The following DNAJB6 variants were observed in gnomAD, a reference collection of about 807,000 sequenced individuals.
DNAJB6 encodes the protein DnaJ heat shock protein family (Hsp40) member B6.
In DNAJB6, 16 loss-of-function variants were observed where a neutral mutation model predicts 42.7. That is an observed-to-expected ratio of 0.37 (90% CI 0.25 to 0.57). The LOEUF (loss-of-function observed/expected upper bound fraction) is 0.57. DNAJB6 is among the 20% of genes least tolerant of loss of function. The probability of loss-of-function intolerance (pLI) is 0.74; values close to 1 mark genes in which losing one functional copy is unlikely to be tolerated. For synonymous variants in DNAJB6, 170 were observed against 163.5 expected, an observed-to-expected ratio of 1.04 and a Z score of -0.30; for missense variants, 347 against 416.8, an observed-to-expected ratio of 0.83 and a Z score of 1.46.
intron 1 of DNAJB6, among the ~76,000 whole-genome samples, chr7:157,350,678 A>C (rs144633954): frequency 6.8e-6 from 1 of 147,994 alleles, no homozygotes; most frequent in African/African-American, 2.4e-5. Context: ...GTACTTGGAG[A>C]CAACAACCTT....
In DNAJB6 at chr7:157,385,395, G is replaced by C. The variant is rs201241681; in HGVS notation, c.621-146G>C. The C allele has an allele frequency of 1.5e-4, 120 of 809,240 alleles. No individual in the cohort carries two copies. The East Asian group carries it at 2.9e-3, about 20-fold the overall frequency. The allele number at this position is 809,240 out of a possible 1,614,324, so 50.1% of individuals were successfully genotyped here. On this transcript the variant is annotated intron_variant, in intron 7 of 9. Transcript: ENST00000262177. ...TTTTAGGAAAGGAAGATGTGTTGTTGACAGGTTGGCTTCAGCCATGTTTTT... is the reference window on the plus strand; with the variant it reads ...TTTTAGGAAAGGAAGATGTGTTGTTCACAGGTTGGCTTCAGCCATGTTTTT...
Position 157,382,535 on chromosome 7 carries a change from T to TTAA in DNAJB6, c.478+159_478+161dup, listed in dbSNP as rs3839840. ...CTTTTTTTGGTATACAGGTCTGCGC[T>TTAA]TAACCTACATTTTCTCCTAATCTTC... On this transcript the variant is annotated intron_variant, in intron 6 of 9. Transcript: ENST00000262177. 0.56 allele frequency: 296,117 copies of TTAA among 528,492 alleles called. 85,008 individuals are homozygous for TTAA. The highest frequency in any genetic ancestry group is 0.73 in the East Asian group (20,175 of 27,490). The allele number at this position is 528,492 out of a possible 1,614,324, so 32.7% of individuals were successfully genotyped here.
At chr7:157,358,719 T>A (rs767306540) in intron 2 of DNAJB6, 82 bp downstream of exon 2, 16 of 1,140,464 alleles carry the variant, frequency 1.4e-5, no homozygotes, top group Non-Finnish European at 2.1e-5. Flanking sequence ...CTATTGCCTA[T>A]GAAAATGGCT....
intron 8 of DNAJB6, among the ~76,000 whole-genome samples, chr7:157,408,264 T>A (rs529724893): frequency 5.3e-5 from 8 of 152,300 alleles, no homozygotes; most frequent in African/African-American, 1.9e-4. Flanking sequence ...ACAGCCTGCG[T>A]TTACGGTGCT....
intron 1 of DNAJB6, among the ~76,000 whole-genome samples, chr7:157,355,798 G>A (rs1021788392): frequency 2.6e-5 from 4 of 152,180 alleles, no homozygotes; most frequent in African/African-American, 9.7e-5. Flanking sequence ...CCATTTGATG[G>A]AGTGCTGCAT....
chr7:157,367,630 G>A (rs1159664509), intron 5 of DNAJB6, 147 bp downstream of exon 5: 9 of 588,406 alleles, frequency 1.5e-5, no homozygotes, highest in Admixed American at 2.6e-5. Flanking sequence ...GGAGCCTGAG[G>A]CGGGCAGATC....
chr7:157,385,467 T>G, intron 7 of DNAJB6, 74 bp from the exon 8 acceptor site: 1 of 1,515,978 alleles, frequency 6.6e-7, no homozygotes, highest in Non-Finnish European at 9.0e-7. Context: ...AGTAATGTCC[T>G]TAAACAACTT....
intron 8 of DNAJB6, among the ~76,000 whole-genome samples, chr7:157,388,174 A>G (rs1801168359): frequency 6.6e-6 from 1 of 152,208 alleles, no homozygotes; most frequent in South Asian, 2.1e-4. Context: ...CTGTTCTTCC[A>G]TTGATAGAAG....
chr7:157,387,789 TTGAG>T (rs1271708722), intron 8 of DNAJB6, among the ~76,000 whole-genome samples: 2 of 151,414 alleles, frequency 1.3e-5, no homozygotes, highest in Non-Finnish European at 2.9e-5. Flanking sequence ...AAATTTTTTT[TTGAG>T]GAGGAGGGAG....
intron 5 of DNAJB6, among the ~76,000 whole-genome samples, chr7:157,373,539 C>T (rs1230142186): frequency 6.6e-6 from 1 of 152,166 alleles, no homozygotes; most frequent in African/African-American, 2.4e-5. Flanking sequence ...TTAGTAGAGA[C>T]GGAGTTTCAC....
intron 1 of DNAJB6, among the ~76,000 whole-genome samples, chr7:157,354,928 A>T (rs1355430955): frequency 6.6e-6 from 1 of 152,032 alleles, no homozygotes; most frequent in Non-Finnish European, 1.5e-5. Context: ...TTAAGAGTTA[A>T]ATTTTGGTCG....
chr7:157,415,890 AAGAT>A, intron 9 of DNAJB6, 122 bp from the exon 10 acceptor site: 1 of 1,553,818 alleles, frequency 6.4e-7, no homozygotes, highest in South Asian at 1.2e-5. Context: ...AGCTGTGGCC[AAGAT>A]AGATGACTTC....
intron 6 of DNAJB6, 120 bp from the exon 7 acceptor site, chr7:157,384,747 A>G (rs1445147326): frequency 5.1e-6 from 5 of 983,730 alleles, no homozygotes; most frequent in East Asian, 2.4e-5. Flanking sequence ...TGCGTCGTTT[A>G]TTACTCCTCG....
chr7:157,381,647 TAA>T (rs1348201347), intron 5 of DNAJB6: 5 of 152,186 alleles, frequency 3.3e-5, no homozygotes, highest in African/African-American at 7.2e-5. Flanking sequence ...AGCTAATCCT[TAA>T]AAGTTTTTTG....
At chr7:157,401,646 T>TTGTA (rs1484511433) in intron 8 of DNAJB6, among the ~76,000 whole-genome samples, 3 of 152,226 alleles carry the variant, frequency 2.0e-5, no homozygotes, top group Non-Finnish European at 2.9e-5. Context: ...ATGGTTCAGC[T>TTGTA]TGTAACAGGG....
At chr7:157,355,025 C>T (rs1019993124) in intron 1 of DNAJB6, among the ~76,000 whole-genome samples, 5 of 152,104 alleles carry the variant, frequency 3.3e-5, no homozygotes, top group Non-Finnish European at 7.3e-5. Flanking sequence ...CCAGGAGAGG[C>T]CTGAGCTTGG....
At chr7:157,414,632 G>T (rs1389052640) in intron 9 of DNAJB6, 1 of 152,338 alleles carries the variant, frequency 6.6e-6, no homozygotes, top group African/African-American at 2.4e-5. Flanking sequence ...CCTGTAGGGC[G>T]GTTAGGACGC....
At chr7:157,390,417 G>A (rs1801283411) in intron 8 of DNAJB6, among the ~76,000 whole-genome samples, 1 of 152,198 alleles carries the variant, frequency 6.6e-6, no homozygotes, top group South Asian at 2.1e-4. Context: ...CTTAAACAGG[G>A]CAGCGCTGTC....
chr7:157,354,992 C>T lies in DNAJB6; in HGVS notation c.-26-3555C>T, dbSNP rs568569812. Among the ~76,000 whole-genome samples the T allele has an allele frequency of 2.0e-4, 30 of 152,250 alleles. No homozygotes were observed. The South Asian group carries it at 5.2e-3, about 26-fold the overall frequency. On this transcript the variant is annotated intron_variant, in intron 1 of 9. Coordinates refer to ENST00000262177, the MANE Select transcript of DNAJB6 (RefSeq NM_058246.4). ...CCAAGTGGCTGTGTCAAGTAGTCAT[C>T]TGTCTATTTGTGTCTGAAGTGCCCA...
Sources: gnomAD v4.1 joint callset for allele counts (sites outside exome capture counted in the v4.1 genomes callset) on GRCh38, gnomAD v4.1.1 for gene constraint, MANE v1.5 for transcripts, NCBI Gene and HGNC (gene_info 2026-07-23, HGNC 2026-07-21) for gene names.